Variants in DYM observed in about 807,000 individuals in gnomAD.
DYM encodes dymeclin.
DYM carries 78 observed loss-of-function variants against 93.1 expected under a neutral mutation model. The ratio of observed to expected loss-of-function variants is 0.84; its 90% CI spans 0.70 to 1.01. The LOEUF is 1.01. DYM is among the 50% of genes least tolerant of loss of function. The probability of loss-of-function intolerance (pLI) is 0.00; values close to 1 mark genes in which losing one functional copy is unlikely to be tolerated. For missense variants in DYM, 789 were observed against 845.0 expected (o/e 0.93, Z 0.82); for synonymous variants, 321 against 319.7 (o/e 1.00, Z -0.04).
chr18:49,259,383 A>T (rs899126747), intron 11 of DYM, among the ~76,000 whole-genome samples: 1 of 152,366 alleles, frequency 6.6e-6, no homozygotes, highest in Admixed American at 6.5e-5. Flanking sequence ...CAGAGGACAG[A>T]ACACGTTAAA....
intron 8 of DYM, among the ~76,000 whole-genome samples, chr18:49,309,332 G>GT (rs1222196413): frequency 2.6e-5 from 4 of 152,076 alleles, no homozygotes; most frequent in Non-Finnish European, 5.9e-5. Context: ...TTGTTTGTTT[G>GT]TTTTTTTAAC....
chr18:49,125,856 C>T (rs1447877447), intron 15 of DYM, among the ~76,000 whole-genome samples: 5 of 152,170 alleles, frequency 3.3e-5, no homozygotes, highest in African/African-American at 2.4e-5. Flanking sequence ...AGAAGTCTGT[C>T]GCCCTACTCC....
intron 14 of DYM, among the ~76,000 whole-genome samples, chr18:49,173,764 T>G (rs939804979): frequency 2.0e-5 from 3 of 152,118 alleles, no homozygotes; most frequent in African/African-American, 4.8e-5. Context: ...CACATATTCA[T>G]GTCTTGTGCA....
At chr18:49,323,683 T>C (rs2062674391) in intron 8 of DYM, among the ~76,000 whole-genome samples, 1 of 152,208 alleles carries the variant, frequency 6.6e-6, no homozygotes, top group Non-Finnish European at 1.5e-5. Context: ...CCTGGATCTC[T>C]GACTTCCCAG....
At chr18:49,393,697 G>A (rs1384488179) in intron 2 of DYM, 1 of 152,158 alleles carries the variant, frequency 6.6e-6, no homozygotes, top group Non-Finnish European at 1.5e-5. Context: ...TTGAATGCAG[G>A]AGGCAGAGAT....
intron 1 of DYM, among the ~76,000 whole-genome samples, chr18:49,454,857 G>C (rs990756708): frequency 4.1e-5 from 6 of 146,584 alleles, no homozygotes; most frequent in Non-Finnish European, 8.9e-5. Flanking sequence ...GCAGTGAGCC[G>C]AGATCGCGCC....
chr18:49,163,696 G>T lies in DYM; in HGVS notation c.1717C>A (p.Leu573Ile), dbSNP rs145279594. The T allele has an allele frequency of 6.2e-7, 1 of 1,610,376 alleles. No homozygotes were observed. The highest frequency in any genetic ancestry group is 1.1e-5 in the South Asian group (1 of 90,714). The change falls in exon 15 of 18, where the codon CTA becomes ATA. Residue 573 changes from leucine to isoleucine, a missense_variant. Around this residue, in one of 3 missense-constraint regions of DYM, gnomAD observed 225 missense variants for 303.0 expected, o/e 0.74. Coordinates refer to ENST00000675505, the MANE Select transcript of DYM (RefSeq NM_001353214.3). ...RGSLSSNDVPLPDYAQDLNVI... is the reference protein window; with the variant it reads ...RGSLSSNDVPIPDYAQDLNVI... ...AGGTAACTACTTACATAATCTGGTA[G>T]AGGAACATCATTAGAACTCAGCGAA...
At chr18:49,274,067 T>C (rs993924910) in intron 10 of DYM, among the ~76,000 whole-genome samples, 5 of 152,096 alleles carry the variant, frequency 3.3e-5, no homozygotes, top group African/African-American at 1.2e-4. Flanking sequence ...TGGTTTACCA[T>C]ATACTCAGAA....
At chr18:49,236,479 C>CA (rs57432048) in intron 13 of DYM, among the ~76,000 whole-genome samples, 61,722 of 141,852 alleles carry the variant, frequency 0.44, 14,811 homozygotes, top group Middle Eastern at 0.61. Flanking sequence ...GACTCTGTCT[C>CA]AAAAAAAAAA....
intron 13 of DYM, among the ~76,000 whole-genome samples, chr18:49,238,429 A>T (rs1490475163): frequency 6.6e-6 from 1 of 151,644 alleles, no homozygotes. Context: ...CTATGTATTA[A>T]TATTATTATT....
intron 15 of DYM, among the ~76,000 whole-genome samples, chr18:49,139,465 G>C (rs8090871): frequency 6.6e-6 from 1 of 152,178 alleles, no homozygotes; most frequent in Non-Finnish European, 1.5e-5. Flanking sequence ...TTACTGATAT[G>C]CTAAACTGTG....
At chr18:49,267,993 T>C (rs1015511017) in intron 11 of DYM, among the ~76,000 whole-genome samples, 2 of 152,202 alleles carry the variant, frequency 1.3e-5, no homozygotes, top group Non-Finnish European at 2.9e-5. Context: ...GGGAAAACTG[T>C]ATTAAGGGTA....
intron 13 of DYM, among the ~76,000 whole-genome samples, chr18:49,234,220 C>T (rs949695651): frequency 6.6e-6 from 1 of 151,960 alleles, no homozygotes; most frequent in Non-Finnish European, 1.5e-5. Context: ...TTTGGGAGGT[C>T]GAGGTAGGAG....
intron 14 of DYM, among the ~76,000 whole-genome samples, chr18:49,173,089 TA>T (rs2088956866): frequency 6.6e-6 from 1 of 152,066 alleles, no homozygotes; most frequent in Non-Finnish European, 1.5e-5. Context: ...CTTTCCCCCT[TA>T]AATTACCTTG....
chr18:49,382,621 C>T (rs1407640109), intron 3 of DYM, among the ~76,000 whole-genome samples: 2 of 151,986 alleles, frequency 1.3e-5, no homozygotes, highest in Non-Finnish European at 2.9e-5. Context: ...AGATTATAGA[C>T]TCTGACGAAG....
At chr18:49,381,910 T>G (rs990782105) in intron 3 of DYM, among the ~76,000 whole-genome samples, 4 of 139,444 alleles carry the variant, frequency 2.9e-5, no homozygotes, top group African/African-American at 1.1e-4. Context: ...GTAAACTTTT[T>G]AAGAAAAAAA....
At chr18:49,446,025 A>G (rs1046741656) in intron 1 of DYM, among the ~76,000 whole-genome samples, 12 of 152,346 alleles carry the variant, frequency 7.9e-5, no homozygotes, top group Admixed American at 2.0e-4. Flanking sequence ...CCCACCTACC[A>G]TAACAAGAAG....
intron 6 of DYM, among the ~76,000 whole-genome samples, chr18:49,348,145 G>A (rs566480001): frequency 3.9e-5 from 6 of 152,256 alleles, no homozygotes; most frequent in Non-Finnish European, 5.9e-5. Flanking sequence ...AGCAGTCAAC[G>A]AATACAGAGG....
chr18:49,140,927 ATG>A (rs1225042797), intron 15 of DYM, among the ~76,000 whole-genome samples: 4 of 152,176 alleles, frequency 2.6e-5, no homozygotes, highest in African/African-American at 4.8e-5. Context: ...GCCAAATCCA[ATG>A]TATGTGTTTT....
Sources: gnomAD v4.1 joint callset for allele counts (sites outside exome capture counted in the v4.1 genomes callset) on GRCh38, gnomAD v4.1.1 for gene constraint, gnomAD v4.1.1 regional missense constraint, MANE v1.5 for transcripts, NCBI Gene and HGNC (gene_info 2026-07-23, HGNC 2026-07-21) for gene names.